ODAD2: variants seen among roughly 807,000 people sequenced by gnomAD.
The protein encoded by ODAD2 is outer dynein arm-docking complex subunit 2.
A neutral mutation model predicts 106.8 loss-of-function variants in ODAD2; 89 were observed. That is an observed-to-expected ratio of 0.83 (90% CI 0.70 to 0.99). The LOEUF (loss-of-function observed/expected upper bound fraction) is 0.99, where lower values mean the gene tolerates loss of function less well. Ranked by LOEUF, ODAD2 falls within the 50% of genes least tolerant of loss-of-function variation. The pLI, the probability that ODAD2 is intolerant of heterozygous loss-of-function variation, is 0.00. For synonymous variants in ODAD2, 404 were observed against 436.2 expected, an observed-to-expected ratio of 0.93 and a Z score of 0.92; for missense variants, 1,168 against 1,238.5, an observed-to-expected ratio of 0.94 and a Z score of 0.85.
chr10:27,955,185 C>T (rs1410357069), intron 10 of ODAD2, among the ~76,000 whole-genome samples: 3 of 152,022 alleles, frequency 2.0e-5, no homozygotes, highest in East Asian at 3.9e-4. Context: ...TTTCCGTTTT[C>T]GAAATACTCT....
intron 16 of ODAD2, among the ~76,000 whole-genome samples, chr10:27,921,735 CA>C (rs201152921): frequency 0.015 from 1,730 of 116,968 alleles, 28 homozygotes; most frequent in African/African-American, 0.042. Flanking sequence ...ATCCCCAGTC[CA>C]AAAAAAAAAA....
intron 19 of ODAD2, among the ~76,000 whole-genome samples, chr10:27,823,480 G>A (rs1422181580): frequency 6.6e-6 from 1 of 152,170 alleles, no homozygotes; most frequent in Non-Finnish European, 1.5e-5. Flanking sequence ...GTGACCTGAG[G>A]TAACTCTCTC....
intron 19 of ODAD2, among the ~76,000 whole-genome samples, chr10:27,852,186 T>G (rs775555420): frequency 6.6e-6 from 1 of 152,204 alleles, no homozygotes; most frequent in Non-Finnish European, 1.5e-5. Flanking sequence ...AAAAGTCTTC[T>G]AGGCAGAAGG....
At chr10:27,962,247 G>A (rs1848191988) in intron 9 of ODAD2, among the ~76,000 whole-genome samples, 2 of 152,178 alleles carry the variant, frequency 1.3e-5, no homozygotes, top group Admixed American at 6.5e-5. Flanking sequence ...ATTGCATGTG[G>A]TCATCCATAT....
chr10:27,987,546 AAAAAAT>A lies in ODAD2; in HGVS notation c.225-9_225-4del. 6.3e-7 allele frequency: 1 copy of A among 1,598,956 alleles called. No individual in the cohort carries two copies. Among genetic ancestry groups the A allele is most frequent in the Non-Finnish European group, 8.5e-7 (1 of 1,174,378 alleles). ...CTTCTGATTTGACTGTTGTTTCACT[AAAAAAT>A]AAAAATAAAAAATTGAAAGCTTCAT... On this transcript the variant is annotated splice_polypyrimidine_tract_variant and splice_region_variant and intron_variant, in intron 2 of 19. Transcript: ENST00000305242.
Position 27,860,834 on chromosome 10 carries a change from A to G in ODAD2, c.2812T>C (p.Leu938=). ...SKLANTNNNK[L]RHHLAEAISR... ...ATAGCTTCTGCTAGATGATGTCTCA[A>G]TTTATTGTTATTCTGTGCAAGGGAA... The change falls in exon 19 of 20, where the codon TTG becomes CTG. Residue 938 remains leucine (L), a synonymous_variant. Transcript: ENST00000305242. 6.2e-7 allele frequency: 1 copy of G among 1,613,952 alleles called. No homozygotes were observed. The highest frequency in any genetic ancestry group is 1.1e-5 in the South Asian group (1 of 91,086).
intron 18 of ODAD2, among the ~76,000 whole-genome samples, chr10:27,861,821 T>C (rs1840064999): frequency 6.6e-6 from 1 of 152,242 alleles, no homozygotes; most frequent in South Asian, 2.1e-4. Flanking sequence ...CTTAACTGAA[T>C]CTGACAGATA....
intron 3 of ODAD2, 56 bp from the exon 4 acceptor site, chr10:27,985,267 CA>C: frequency 2.3e-6 from 3 of 1,330,132 alleles, no homozygotes; most frequent in Non-Finnish European, 3.0e-6. Context: ...TCTTCTAGTA[CA>C]ACAAACATTA....
At chr10:27,843,946 T>C (rs1374736993) in intron 19 of ODAD2, among the ~76,000 whole-genome samples, 2 of 152,166 alleles carry the variant, frequency 1.3e-5, no homozygotes, top group Non-Finnish European at 2.9e-5. Flanking sequence ...ACACCTGTAA[T>C]CCCAGCACTT....
intron 16 of ODAD2, among the ~76,000 whole-genome samples, chr10:27,910,124 T>C (rs1056707481): frequency 1.3e-4 from 20 of 151,604 alleles, no homozygotes; most frequent in Admixed American, 2.0e-4. Flanking sequence ...TTTTCTGTCC[T>C]CAGTTTTTCT....
At chr10:27,871,056 G>A (rs569013260) in intron 17 of ODAD2, among the ~76,000 whole-genome samples, 2 of 152,292 alleles carry the variant, frequency 1.3e-5, no homozygotes, top group African/African-American at 4.8e-5. Context: ...TCTAACTGGT[G>A]TGAGATGGTA....
intron 17 of ODAD2, among the ~76,000 whole-genome samples, chr10:27,876,182 G>A (rs1253004684): frequency 6.6e-6 from 1 of 152,182 alleles, no homozygotes; most frequent in African/African-American, 2.4e-5. Context: ...CTGTCTGACA[G>A]CTTTGAAGAG....
At chr10:27,888,828 G>A (rs1842391440) in intron 17 of ODAD2, among the ~76,000 whole-genome samples, 1 of 152,152 alleles carries the variant, frequency 6.6e-6, no homozygotes, top group South Asian at 2.1e-4. Flanking sequence ...CAAAAATGTT[G>A]TTGGGAAAAC....
At chr10:27,836,458 T>C (rs1837897491) in intron 19 of ODAD2, among the ~76,000 whole-genome samples, 1 of 152,220 alleles carries the variant, frequency 6.6e-6, no homozygotes, top group African/African-American at 2.4e-5. Context: ...TGAGAGAGTT[T>C]GGGGACATCT....
In ODAD2 at chr10:27,935,046, G is replaced by T. The variant is rs754489256; in HGVS notation, c.2459C>A (p.Ala820Glu). 5 of 1,613,928 alleles carry T rather than the reference G, an allele frequency of 3.1e-6. No individual in the cohort carries two copies. Among genetic ancestry groups the T allele is most frequent in the Non-Finnish European group, 4.2e-6 (5 of 1,179,862 alleles). The stretch of plus-strand genomic sequence containing the variant: ...AGGTTCTACTGCACAAGCACCAACT[G>T]CTTTTGTAACATTCACAAGAAGAGC... ...NQALLVNVTK[A>E]VGACAVEPES... is the part of the protein sequence containing the mutation. The change falls in exon 16 of 20, where the codon GCA (alanine) becomes GAA (glutamate). Residue 820 changes from alanine (A) to glutamate (E), a missense_variant. Around this residue, in one of 3 missense-constraint regions of ODAD2, gnomAD observed 701 missense variants for 712.3 expected, o/e 0.98. Coordinates refer to ENST00000305242, the MANE Select transcript of ODAD2 (RefSeq NM_018076.5).
At chr10:27,940,847 A>G (rs772137722) in intron 12 of ODAD2, 42 bp from the exon 13 acceptor site, 10 of 1,582,428 alleles carry the variant, frequency 6.3e-6, no homozygotes, top group Admixed American at 1.7e-5. Context: ...AAATCTTAAA[A>G]AGAACATTTA....
chr10:27,813,666 G>A (rs755452097), intron 19 of ODAD2, among the ~76,000 whole-genome samples: 7 of 152,128 alleles, frequency 4.6e-5, no homozygotes, highest in Admixed American at 6.6e-5. Flanking sequence ...GAAAAATATC[G>A]TGAGATGTCT....
At chr10:27,859,477 T>C (rs992864678) in intron 19 of ODAD2, among the ~76,000 whole-genome samples, 2 of 152,190 alleles carry the variant, frequency 1.3e-5, no homozygotes, top group South Asian at 2.1e-4. Flanking sequence ...AAGAGTACTA[T>C]TCCTCCTAAG....
chr10:27,820,215 T>C (rs547325820), intron 19 of ODAD2, among the ~76,000 whole-genome samples: 2 of 152,236 alleles, frequency 1.3e-5, no homozygotes, highest in Non-Finnish European at 2.9e-5. Flanking sequence ...CACATGCCAC[T>C]GGCTGCTGCC....
Sources: gnomAD v4.1 joint callset for allele counts (sites outside exome capture counted in the v4.1 genomes callset) on GRCh38, gnomAD v4.1.1 for gene constraint, gnomAD v4.1.1 regional missense constraint, MANE v1.5 for transcripts, NCBI Gene and HGNC (gene_info 2026-07-23, HGNC 2026-07-21) for gene names.